Variants in FSTL5 observed in about 807,000 individuals in gnomAD.
FSTL5 encodes the protein follistatin-related protein 5.
FSTL5 carries 62 observed loss-of-function variants against 89.1 expected under a neutral mutation model. The observed-to-expected ratio is 0.70, with a 90% CI of 0.57 to 0.86. FSTL5 has a LOEUF of 0.86. Ranked by LOEUF, FSTL5 falls within the 40% of genes least tolerant of loss-of-function variation. The pLI is 0.00. For missense variants in FSTL5, 1,057 were observed against 1,001.6 expected, an observed-to-expected ratio of 1.06 and a Z score of -0.75; for synonymous variants, 383 against 346.2, an observed-to-expected ratio of 1.11 and a Z score of -1.18.
chr4:162,003,931 T>C (rs1736537568), intron 3 of FSTL5, among the ~76,000 whole-genome samples: 2 of 152,166 alleles, frequency 1.3e-5, no homozygotes, highest in South Asian at 2.1e-4. Context: ...CCTGAGTAGA[T>C]GAAGGGAGTC....
intron 4 of FSTL5, among the ~76,000 whole-genome samples, chr4:161,914,261 C>G (rs1260244677): frequency 1.3e-5 from 2 of 151,926 alleles, no homozygotes; most frequent in African/African-American, 2.4e-5. Flanking sequence ...AAATAGTAAG[C>G]TCAAACACAT....
At chr4:161,436,762 A>AG (rs1732573505) in intron 15 of FSTL5, among the ~76,000 whole-genome samples, 4 of 152,204 alleles carry the variant, frequency 2.6e-5, no homozygotes, top group Non-Finnish European at 5.9e-5. Context: ...ACAACTTTGG[A>AG]ACATCTATAT....
intron 2 of FSTL5, among the ~76,000 whole-genome samples, chr4:162,080,345 G>A (rs1194190191): frequency 6.6e-6 from 1 of 150,428 alleles, no homozygotes; most frequent in Non-Finnish European, 1.5e-5. Context: ...TAAGCCTCAT[G>A]CTGAAGGGCA....
intron 11 of FSTL5, among the ~76,000 whole-genome samples, chr4:161,500,875 T>C (rs774180312): frequency 2.0e-5 from 3 of 152,114 alleles, no homozygotes; most frequent in African/African-American, 4.8e-5. Flanking sequence ...TTGAAACCTG[T>C]GTAGGTTAAT....
chr4:161,656,353 T>C lies in FSTL5; in HGVS notation c.869A>G (p.Asn290Ser). The C allele has an allele frequency of 6.3e-7, 1 of 1,589,984 alleles. No homozygotes were observed. The highest frequency in any genetic ancestry group is 8.6e-7 in the Non-Finnish European group (1 of 1,163,118). The change falls in exon 7 of 16, where the codon AAT (asparagine) becomes AGT (serine). Residue 290 changes from asparagine (N) to serine (S), a missense_variant. Physicochemically the swap from Asn to Ser is conservative, Grantham distance 46 (BLOSUM62 1). This residue lies in a region of FSTL5 where 980 missense variants were observed against 903.2 expected (regional missense o/e 1.08). Coordinates refer to ENST00000306100, the MANE Select transcript of FSTL5 (RefSeq NM_020116.5). ...ATTGATGTCTTCCAAATCTAAATTA[T>C]TTAGAATAATATTGTTCCTTTTCCA... ...IIWKRNNIILNNLDLEDINDF... is the reference protein window; with the variant it reads ...IIWKRNNIILSNLDLEDINDF...
intron 1 of FSTL5, among the ~76,000 whole-genome samples, chr4:162,143,549 A>T (rs1189301574): frequency 6.6e-6 from 1 of 152,076 alleles, no homozygotes; most frequent in East Asian, 1.9e-4. Flanking sequence ...TGTCCAAAGC[A>T]TATTATTTTC....
chr4:162,151,602 T>G (rs1245484905), intron 1 of FSTL5, among the ~76,000 whole-genome samples: 1 of 152,162 alleles, frequency 6.6e-6, no homozygotes, highest in Non-Finnish European at 1.5e-5. Context: ...TCTTGTCACA[T>G]TCTATTTTCT....
intron 4 of FSTL5, among the ~76,000 whole-genome samples, chr4:161,868,388 T>G (rs1157812826): frequency 6.6e-6 from 1 of 152,178 alleles, no homozygotes; most frequent in Non-Finnish European, 1.5e-5. Context: ...TAACATCTCT[T>G]GTAGATCTCA....
At chr4:161,531,551 A>C (rs918483697) in intron 10 of FSTL5, among the ~76,000 whole-genome samples, 2 of 152,204 alleles carry the variant, frequency 1.3e-5, no homozygotes, top group African/African-American at 4.8e-5. Flanking sequence ...ATAATTCTCA[A>C]ATATATAATA....
intron 12 of FSTL5, among the ~76,000 whole-genome samples, chr4:161,499,272 CTT>C: frequency 6.6e-6 from 1 of 152,202 alleles, no homozygotes; most frequent in South Asian, 2.1e-4. Flanking sequence ...TAAGTTATAA[CTT>C]AACCAAAATG....
At chr4:161,528,056 A>G (rs1028708708) in intron 10 of FSTL5, among the ~76,000 whole-genome samples, 2 of 150,720 alleles carry the variant, frequency 1.3e-5, no homozygotes, top group African/African-American at 4.9e-5. Context: ...CAAAAAACCA[A>G]ACACGGCATA....
intron 4 of FSTL5, among the ~76,000 whole-genome samples, chr4:161,790,953 T>C (rs1174400275): frequency 6.6e-6 from 1 of 151,518 alleles, no homozygotes; most frequent in Non-Finnish European, 1.5e-5. Flanking sequence ...ACTCAGTATG[T>C]GGCTCATGAC....
intron 14 of FSTL5, among the ~76,000 whole-genome samples, chr4:161,457,570 T>C (rs1295517445): frequency 6.6e-6 from 1 of 151,992 alleles, no homozygotes; most frequent in Non-Finnish European, 1.5e-5. Context: ...CCAAGTAGCA[T>C]GAATCAAAGG....
intron 7 of FSTL5, among the ~76,000 whole-genome samples, chr4:161,605,789 G>A (rs1423540602): frequency 1.3e-5 from 2 of 152,196 alleles, no homozygotes; most frequent in Admixed American, 6.5e-5. Context: ...TTTTGTGGTA[G>A]ACTGATTTCA....
intron 11 of FSTL5, among the ~76,000 whole-genome samples, chr4:161,502,612 C>T (rs1730333055): frequency 6.6e-6 from 1 of 151,660 alleles, no homozygotes; most frequent in Admixed American, 6.6e-5. Flanking sequence ...AAAACTTTTC[C>T]ACTACCTTTA....
In FSTL5 at chr4:161,943,853, C is replaced by T. The variant is rs535184035; in HGVS notation, c.161-23201G>A. Among the ~76,000 whole-genome samples, 310 of 152,122 alleles carry T rather than the reference C, an allele frequency of 2.0e-3. 1 individual carries two copies. The highest frequency in any genetic ancestry group is 7.1e-3 in the African/African-American group (293 of 41,506). ...AACAGGCGTGAGCCACTGCGCCTGG[C>T]CCATAACCACTGTATCTTTACCTGC... On this transcript the variant is annotated intron_variant, in intron 3 of 15. Transcript: ENST00000306100.
At chr4:161,705,490 G>A (rs1227559754) in intron 6 of FSTL5, among the ~76,000 whole-genome samples, 2 of 152,018 alleles carry the variant, frequency 1.3e-5, no homozygotes, top group Non-Finnish European at 2.9e-5. Context: ...TTTTAAAGTG[G>A]CCTCAGTTCA....
intron 2 of FSTL5, among the ~76,000 whole-genome samples, chr4:162,045,392 T>C (rs1242074499): frequency 6.6e-6 from 1 of 152,072 alleles, no homozygotes; most frequent in Non-Finnish European, 1.5e-5. Flanking sequence ...TTCATGGTGC[T>C]CCAAAACAGT....
intron 6 of FSTL5, among the ~76,000 whole-genome samples, chr4:161,696,382 T>C (rs1329939433): frequency 6.6e-6 from 1 of 152,174 alleles, no homozygotes; most frequent in Non-Finnish European, 1.5e-5. Flanking sequence ...TAGTTTGAAA[T>C]CAGGTAATGT....
Sources: allele counts gnomAD v4.1 joint callset (sites outside exome capture counted in the v4.1 genomes callset), GRCh38; gene constraint gnomAD v4.1.1; regional missense constraint gnomAD v4.1.1; transcripts MANE v1.5; gene names NCBI Gene and HGNC (gene_info 2026-07-23, HGNC 2026-07-21).